Variants in LRP6 observed in about 807,000 individuals in gnomAD.
The protein encoded by LRP6 is LDL receptor related protein 6, also known as low-density lipoprotein receptor-related protein 6.
In LRP6, 43 loss-of-function variants were observed where a neutral mutation model predicts 184.1. The ratio of observed to expected loss-of-function variants is 0.23; its 90% CI spans 0.18 to 0.30. The LOEUF (loss-of-function observed/expected upper bound fraction) is 0.30. LRP6 is among the 10% of genes least tolerant of loss of function. LRP6 has a pLI of 1.00. For missense variants in LRP6, 1,571 were observed against 2,005.3 expected (o/e 0.78, Z 4.14); for synonymous variants, 719 against 684.9 (o/e 1.05, Z -0.78).
At chr12:12,196,322 A>C (rs1375715583) in intron 3 of LRP6, among the ~76,000 whole-genome samples, 1 of 152,016 alleles carries the variant, frequency 6.6e-6, no homozygotes, top group Non-Finnish European at 1.5e-5. Flanking sequence ...ATTCCAATCC[A>C]TGAGCATGAA....
intron 1 of LRP6, among the ~76,000 whole-genome samples, chr12:12,259,015 A>T (rs2135942674): frequency 6.6e-6 from 1 of 152,350 alleles, no homozygotes. Context: ...TAAGCCCAGC[A>T]CTTTGGAAGG....
chr12:12,156,069 A>C (rs1340781421), intron 12 of LRP6, among the ~76,000 whole-genome samples: 1 of 152,232 alleles, frequency 6.6e-6, no homozygotes, highest in Non-Finnish European at 1.5e-5. Flanking sequence ...AAGTGACATA[A>C]ATAGTAGAGT....
At chr12:12,241,301 C>A (rs1000665882) in intron 2 of LRP6, among the ~76,000 whole-genome samples, 1 of 152,060 alleles carries the variant, frequency 6.6e-6, no homozygotes, top group Non-Finnish European at 1.5e-5. Context: ...GTATTTCCCC[C>A]AAAAAATAAA....
intron 5 of LRP6, among the ~76,000 whole-genome samples, chr12:12,182,292 A>G (rs1364871147): frequency 6.6e-6 from 1 of 152,244 alleles, no homozygotes; most frequent in Non-Finnish European, 1.5e-5. Flanking sequence ...ACTTAACAAC[A>G]GTATTAAAAA....
chr12:12,125,184 T>G (rs1591860614), intron 21 of LRP6, 112 bp downstream of exon 21: 1 of 1,323,102 alleles, frequency 7.6e-7, no homozygotes, highest in South Asian at 1.2e-5. Flanking sequence ...ATGCCTAAAT[T>G]TTACATTCAA....
intron 2 of LRP6, among the ~76,000 whole-genome samples, chr12:12,209,507 G>A (rs1392509889): frequency 2.0e-5 from 3 of 152,024 alleles, no homozygotes; most frequent in Non-Finnish European, 4.4e-5. Flanking sequence ...AGAACTTGAC[G>A]AAAATTAGCA....
intron 7 of LRP6, 39 bp downstream of exon 7, chr12:12,179,771 T>C: frequency 1.2e-6 from 2 of 1,607,382 alleles, no homozygotes; most frequent in Non-Finnish European, 8.5e-7. Context: ...CAAAACCCAT[T>C]ATAAAAGTGG....
At position 12,121,367 on chromosome 12, in the gene LRP6, G is replaced by C. The variant is rs1306827078; in HGVS notation, c.4601C>G (p.Thr1534Arg). 1 of 1,614,144 alleles carries C rather than the reference G, an allele frequency of 6.2e-7. No homozygotes were observed. The highest frequency in any genetic ancestry group is 1.7e-5 in the Admixed American group (1 of 60,010). ...HFAPPTTPCS[T>R]DVCDSDYAPS... Reference sequence around the variant, plus strand: ...AGCATAGTCACTGTCACAAACATCTGTGCTGCAGGGTGTGGTGGGGGGTGC... The same window carrying C: ...AGCATAGTCACTGTCACAAACATCTCTGCTGCAGGGTGTGGTGGGGGGTGC... The change falls in exon 23 of 23, where the codon ACA becomes AGA. Residue 1534 changes from threonine to arginine, a missense_variant. This residue lies in a region of LRP6 where 763 missense variants were observed against 859.5 expected (regional missense o/e 0.89). Coordinates refer to ENST00000261349, the MANE Select transcript of LRP6 (RefSeq NM_002336.3).
rs1003914020 is a variant in LRP6, at chr12:12,118,745, A to G, written c.*2381T>C. 4.6e-5 allele frequency: 7 copies of G among 152,240 alleles called. No individual in the cohort carries two copies. Among genetic ancestry groups the G allele is most frequent in the Non-Finnish European group, 1.0e-4 (7 of 68,044 alleles). 9.4% of individuals were successfully genotyped at this position (152,240 alleles called of 1,614,324 possible). On this transcript the variant is annotated 3_prime_UTR_variant, in exon 23 of 23. Coordinates refer to ENST00000261349, the MANE Select transcript of LRP6 (RefSeq NM_002336.3). ...CCATCTCATCTACCCCAGAAAGAGA[A>G]CACTGAGATTAGGCTGAACTGCCTT...
chr12:12,223,493 A>G (rs577672073), intron 2 of LRP6, among the ~76,000 whole-genome samples: 1 of 152,212 alleles, frequency 6.6e-6, no homozygotes, highest in African/African-American at 2.4e-5. Flanking sequence ...GCACTTGTTT[A>G]TATCAATACA....
chr12:12,161,563 G>A (rs1395500188), intron 10 of LRP6, among the ~76,000 whole-genome samples: 2 of 152,094 alleles, frequency 1.3e-5, no homozygotes, highest in African/African-American at 2.4e-5. Context: ...GAGCCACCAC[G>A]CCCGGCCTGT....
At chr12:12,237,344 CTAA>C (rs1228187234) in intron 2 of LRP6, among the ~76,000 whole-genome samples, 2 of 152,088 alleles carry the variant, frequency 1.3e-5, no homozygotes, top group Non-Finnish European at 2.9e-5. Context: ...AGGTAGAAAG[CTAA>C]TAATGCACAC....
At chr12:12,166,693 CTATTA>C (rs368373609) in intron 7 of LRP6, among the ~76,000 whole-genome samples, 6 of 152,182 alleles carry the variant, frequency 3.9e-5, no homozygotes, top group African/African-American at 1.2e-4. Flanking sequence ...ATTTCTACTT[CTATTA>C]TGAGATCAAC....
At chr12:12,169,283 G>A (rs1862968352) in intron 7 of LRP6, among the ~76,000 whole-genome samples, 1 of 151,774 alleles carries the variant, frequency 6.6e-6, no homozygotes, top group South Asian at 2.1e-4. Context: ...CGCAGTGTGG[G>A]ACAGACTACA....
chr12:12,155,807 T>TAAA lies in LRP6; in HGVS notation c.2791+3019_2791+3021dup, dbSNP rs36120700. ...AAAAAATAAAAGACTTCTGGACTGT[T>TAAA]AAAAAAAAAAAAAAGGTTAAATAAT... On this transcript the variant is annotated intron_variant, in intron 12 of 22. Coordinates refer to ENST00000261349, the MANE Select transcript of LRP6 (RefSeq NM_002336.3). 6.4e-6 allele frequency: 4 copies of TAAA among 627,546 alleles called. No individual in the cohort carries two copies. In the East Asian group the frequency reaches 8.6e-5, roughly 14 times the overall value. The allele number at this position is 627,546 out of a possible 1,614,324, so 38.9% of individuals were successfully genotyped here. A position where few individuals can be genotyped will look rare whatever the true frequency, so the allele number is the denominator to read the frequency against.
At chr12:12,143,844 T>C (rs1949966200) in intron 15 of LRP6, among the ~76,000 whole-genome samples, 1 of 152,258 alleles carries the variant, frequency 6.6e-6, no homozygotes, top group Non-Finnish European at 1.5e-5. Flanking sequence ...TTCTTATTGC[T>C]ATACATTTAT....
At chr12:12,212,388 C>T (rs965673847) in intron 2 of LRP6, among the ~76,000 whole-genome samples, 3 of 152,146 alleles carry the variant, frequency 2.0e-5, no homozygotes, top group Admixed American at 2.0e-4. Context: ...TCTTTGAATG[C>T]ACAAAAGCAT....
chr12:12,250,842 G>T (rs1292623666), intron 1 of LRP6, among the ~76,000 whole-genome samples: 1 of 151,066 alleles, frequency 6.6e-6, no homozygotes, highest in South Asian at 2.1e-4. Flanking sequence ...GGCTGGTCTC[G>T]AACTCCTAAC....
intron 1 of LRP6, among the ~76,000 whole-genome samples, chr12:12,257,240 T>C (rs1865486781): frequency 6.6e-6 from 1 of 151,908 alleles, no homozygotes; most frequent in Non-Finnish European, 1.5e-5. Flanking sequence ...AAAATGGAGA[T>C]TTTTACTGTA....
Sources: allele counts gnomAD v4.1 joint callset (sites outside exome capture counted in the v4.1 genomes callset), GRCh38; gene constraint gnomAD v4.1.1; regional missense constraint gnomAD v4.1.1; transcripts MANE v1.5; gene names NCBI Gene and HGNC (gene_info 2026-07-23, HGNC 2026-07-21).